Variants in ARHGAP20 observed in about 807,000 individuals in gnomAD.
The protein encoded by ARHGAP20 is Rho GTPase activating protein 20, also known as rho GTPase-activating protein 20.
A neutral mutation model predicts 73.7 loss-of-function variants in ARHGAP20; 34 were observed. The observed-to-expected ratio is 0.46, with a 90% CI of 0.35 to 0.61. The LOEUF is 0.61. Among genes scored for constraint, ARHGAP20 ranks in the 20% least tolerant of loss-of-function variants. The pLI is 0.00. For synonymous variants in ARHGAP20, 523 were observed against 518.2 expected (o/e 1.01, Z -0.13); for missense variants, 1,314 against 1,420.9 (o/e 0.92, Z 1.21).
At chr11:110,679,042 C>G (rs1949987644) in intron 2 of ARHGAP20, among the ~76,000 whole-genome samples, 1 of 152,080 alleles carries the variant, frequency 6.6e-6, no homozygotes, top group South Asian at 2.1e-4. Flanking sequence ...GGTCTTAGGT[C>G]TCTTGAGGTT....
intron 9 of ARHGAP20, among the ~76,000 whole-genome samples, chr11:110,603,360 G>C (rs1406633930): frequency 2.6e-5 from 4 of 152,126 alleles, no homozygotes; most frequent in African/African-American, 9.7e-5. Context: ...TTGAAAGTTA[G>C]TTTTTGCTGT....
intron 9 of ARHGAP20, among the ~76,000 whole-genome samples, chr11:110,596,382 T>C (rs1030555518): frequency 6.7e-6 from 1 of 150,264 alleles, no homozygotes; most frequent in Non-Finnish European, 1.5e-5. Flanking sequence ...AGAACATTTT[T>C]GCAACCTACT....
intron 3 of ARHGAP20, among the ~76,000 whole-genome samples, chr11:110,625,259 G>C (rs540661239): frequency 8.5e-4 from 129 of 151,246 alleles, no homozygotes; most frequent in Middle Eastern, 3.4e-3. Flanking sequence ...GGATGGTCTC[G>C]ATCTCTTGAC....
chr11:110,699,729 T>C (rs548777002), intron 1 of ARHGAP20, among the ~76,000 whole-genome samples: 53 of 152,086 alleles, frequency 3.5e-4, no homozygotes, highest in African/African-American at 1.2e-3. Flanking sequence ...CACTTTTGTT[T>C]TCCATTTACA....
At chr11:110,666,026 T>C (rs1196289410) in intron 2 of ARHGAP20, among the ~76,000 whole-genome samples, 1 of 151,956 alleles carries the variant, frequency 6.6e-6, no homozygotes, top group Non-Finnish European at 1.5e-5. Flanking sequence ...CACACATATA[T>C]ACACACACAT....
At chr11:110,589,576 A>C (rs989045535) in intron 11 of ARHGAP20, 2 of 985,336 alleles carry the variant, frequency 2.0e-6, no homozygotes, top group African/African-American at 1.7e-5. Flanking sequence ...AGAGCCTGAC[A>C]CAGGTCTGCA....
rs963721021 is a variant in ARHGAP20 at position 110,578,792 on chromosome 11, T to C, written c.*578A>G. On this transcript the variant is annotated 3_prime_UTR_variant, in exon 15 of 15. Transcript: ENST00000683387. ...CTCCACTCTAGCTGTAGCAATGGGC[T>C]GGTTCTTGGAATGATTCTGTAAGGA... 3.0e-6 allele frequency: 3 copies of C among 985,642 alleles called. No individual in the cohort carries two copies. The African/African-American group carries it at 5.2e-5, about 17-fold the overall frequency. The allele number at this position is 985,642 out of a possible 1,614,324, so 61.1% of individuals were successfully genotyped here.
chr11:110,607,970 C>A (rs1948273484), intron 8 of ARHGAP20, among the ~76,000 whole-genome samples: 1 of 152,132 alleles, frequency 6.6e-6, no homozygotes, highest in Non-Finnish European at 1.5e-5. Flanking sequence ...TTGACTATTA[C>A]AAAAATGACA....
At chr11:110,624,087 A>T in intron 4 of ARHGAP20, 75 bp downstream of exon 4, 3 of 1,505,616 alleles carry the variant, frequency 2.0e-6, no homozygotes, top group Non-Finnish European at 1.8e-6. Flanking sequence ...CATTTGATTA[A>T]TTTTTAAAAT....
chr11:110,606,908 C>T (rs1363209597), intron 8 of ARHGAP20, among the ~76,000 whole-genome samples, 159 bp from the exon 9 acceptor site: 2 of 151,802 alleles, frequency 1.3e-5, no homozygotes, highest in Non-Finnish European at 2.9e-5. Context: ...CAGTTGGAGA[C>T]CAGTATGCAG....
intron 2 of ARHGAP20, among the ~76,000 whole-genome samples, chr11:110,658,362 G>A (rs550624213): frequency 3.2e-4 from 48 of 152,148 alleles, no homozygotes; most frequent in African/African-American, 1.2e-3. Context: ...GGAGCCAGAG[G>A]GTCACATGCT....
intron 1 of ARHGAP20, among the ~76,000 whole-genome samples, chr11:110,699,594 C>CAT (rs769673614): frequency 2.0e-5 from 3 of 151,878 alleles, no homozygotes; most frequent in Non-Finnish European, 4.4e-5. Context: ...GTGTTAGGTG[C>CAT]ATATATATTT....
intron 2 of ARHGAP20, among the ~76,000 whole-genome samples, chr11:110,660,061 C>CAAAAAAAAAAAAAACAAAAAAAAAAAAAA (rs1949567547): frequency 1.4e-5 from 1 of 69,230 alleles, no homozygotes; most frequent in Non-Finnish European, 3.3e-5. Flanking sequence ...TAATAAAAAA[C>CAAAAAAAAAAAAAACAAAAAAAAAAAAAA]AAAAAAAAAA....
In ARHGAP20 at chr11:110,582,382, T is replaced by G. The variant is rs374086605; in HGVS notation, c.1659A>C (p.Glu553Asp). The G allele has an allele frequency of 4.5e-5, 73 of 1,614,094 alleles. No homozygotes were observed. In the African/African-American group the frequency reaches 9.1e-4, roughly 20 times the overall value. Residue 553 changes from glutamate to aspartate, a missense_variant, in exon 14 of 15, where the codon GAA (glutamate) becomes GAC (aspartate). Coordinates refer to ENST00000683387, the MANE Select transcript of ARHGAP20 (RefSeq NM_001384657.1). ...CCTCTCTGAAGAGGGAAGTGATTTC[T>G]TCTCCAAATATCCTAAGGCAATTCT... ...LIENCLRIFGEEITSLFREVS... is the reference protein window; with the variant it reads ...LIENCLRIFGDEITSLFREVS...
chr11:110,637,019 C>A (rs1054069789), intron 2 of ARHGAP20, among the ~76,000 whole-genome samples: 1 of 151,966 alleles, frequency 6.6e-6, no homozygotes. Flanking sequence ...CTGTTGCTTG[C>A]TTTTTATGTA....
intron 9 of ARHGAP20, among the ~76,000 whole-genome samples, chr11:110,594,168 T>G (rs759475960): frequency 2.0e-5 from 3 of 152,136 alleles, no homozygotes; most frequent in African/African-American, 4.8e-5. Flanking sequence ...GATAAATAAG[T>G]AAGCAACGTT....
In ARHGAP20 at chr11:110,611,360, T is replaced by C; in HGVS notation, c.657A>G (p.Ser219=). 6.4e-7 allele frequency: 1 copy of C among 1,560,320 alleles called. No individual in the cohort carries two copies. Among genetic ancestry groups the C allele is most frequent in the South Asian group, 1.2e-5 (1 of 83,544 alleles). The change falls in exon 7 of 15, where the codon TCA becomes TCG. Residue 219 remains serine (S), a synonymous_variant. Coordinates refer to ENST00000683387, the MANE Select transcript of ARHGAP20 (RefSeq NM_001384657.1). ...TGTTGATAACTTCATTCGCTGTATC[T>C]GAATTCATTACTGTTATAGTTTTAG... ...AYSKTITVMN[S]DTANEVINMS...
chr11:110,605,459 T>A (rs968806215), intron 9 of ARHGAP20, among the ~76,000 whole-genome samples: 1 of 152,216 alleles, frequency 6.6e-6, no homozygotes, highest in Non-Finnish European at 1.5e-5. Flanking sequence ...AAATTAACTT[T>A]AAATGCATTA....
At chr11:110,710,773 T>C (rs1207323532) in intron 1 of ARHGAP20, among the ~76,000 whole-genome samples, 1 of 152,190 alleles carries the variant, frequency 6.6e-6, no homozygotes, top group Non-Finnish European at 1.5e-5. Context: ...CACATTTCTA[T>C]ACTCGGCACA....
Sources: gnomAD v4.1 joint callset for allele counts (sites outside exome capture counted in the v4.1 genomes callset) on GRCh38, gnomAD v4.1.1 for gene constraint, MANE v1.5 for transcripts, NCBI Gene and HGNC (gene_info 2026-07-23, HGNC 2026-07-21) for gene names.